VWA8: variants seen among roughly 807,000 people sequenced by gnomAD.
VWA8 encodes von Willebrand factor A domain containing 8.
In VWA8, 221 loss-of-function variants were observed where a neutral mutation model predicts 241.5. The ratio of observed to expected loss-of-function variants is 0.91; its 90% CI spans 0.82 to 1.02. The LOEUF (loss-of-function observed/expected upper bound fraction) is 1.02. Among genes scored for constraint, VWA8 ranks in the 50% least tolerant of loss-of-function variants. The pLI, the probability that VWA8 is intolerant of heterozygous loss-of-function variation, is 0.00. For missense variants in VWA8, 2,322 were observed against 2,328.7 expected, an observed-to-expected ratio of 1.00 and a Z score of 0.06; for synonymous variants, 852 against 827.1, an observed-to-expected ratio of 1.03 and a Z score of -0.52.
chr13:41,652,221 C>T (rs143105473), intron 37 of VWA8, among the ~76,000 whole-genome samples: 2 of 152,286 alleles, frequency 1.3e-5, no homozygotes, highest in Admixed American at 6.5e-5. Flanking sequence ...GCAGAGACAT[C>T]TGTTTTCTTC....
rs192105242 is a variant in VWA8 at position 41,570,576 on chromosome 13, A to C, written c.5501T>G (p.Leu1834Arg). ...AGCAGGATGTATTCCATATCGTGAC[A>C]GATTTGCATCACTCAAGACTATGAC... ...YFVIVLSDAN[L>R]SRYGIHPAKF... The change falls in exon 44 of 45, where the codon CTG becomes CGG. Residue 1834 changes from leucine (L) to arginine (R), a missense_variant. Transcript: ENST00000379310. 347 of 1,614,230 alleles carry C rather than the reference A, an allele frequency of 2.1e-4. 2 individuals are homozygous for C. The highest frequency in any genetic ancestry group is 3.4e-6 in the Non-Finnish European group (4 of 1,180,034).
chr13:41,582,609 GTCT>G (rs1230377742), intron 42 of VWA8, among the ~76,000 whole-genome samples: 1 of 152,144 alleles, frequency 6.6e-6, no homozygotes, highest in African/African-American at 2.4e-5. Context: ...TCCTCAAACT[GTCT>G]TCTGTTCATG....
At chr13:41,717,955 T>C (rs1004936220) in intron 26 of VWA8, among the ~76,000 whole-genome samples, 2 of 152,096 alleles carry the variant, frequency 1.3e-5, no homozygotes, top group Non-Finnish European at 2.9e-5. Context: ...AGAGTTAGAA[T>C]TAACTTGCCA....
chr13:41,751,138 TAA>T (rs72243014), intron 21 of VWA8, among the ~76,000 whole-genome samples: 1 of 147,556 alleles, frequency 6.8e-6, no homozygotes, highest in Non-Finnish European at 1.5e-5. Context: ...AAATGTTAAA[TAA>T]AAAAAAAATA....
intron 1 of VWA8, among the ~76,000 whole-genome samples, chr13:41,957,497 T>A (rs541849302): frequency 8.1e-4 from 124 of 152,260 alleles, no homozygotes; most frequent in African/African-American, 2.8e-3. Flanking sequence ...TCCCAGCTAC[T>A]TGGGAGGCTG....
chr13:41,646,624 T>C (rs1205178781), intron 37 of VWA8, among the ~76,000 whole-genome samples: 1 of 152,206 alleles, frequency 6.6e-6, no homozygotes, highest in African/African-American at 2.4e-5. Flanking sequence ...AAACAATGAA[T>C]GTATTCTTGA....
At chr13:41,782,204 A>G (rs1566454977) in intron 19 of VWA8, among the ~76,000 whole-genome samples, 1 of 152,228 alleles carries the variant, frequency 6.6e-6, no homozygotes, top group Non-Finnish European at 1.5e-5. Context: ...TGAGTCCTAA[A>G]TGTCCATGTC....
At chr13:41,922,271 AC>A (rs1202150389) in intron 2 of VWA8, among the ~76,000 whole-genome samples, 2 of 152,220 alleles carry the variant, frequency 1.3e-5, no homozygotes, top group Non-Finnish European at 2.9e-5. Context: ...TACACCCTAT[AC>A]AAAAATTAAT....
At chr13:41,900,300 T>A (rs1351770945) in intron 4 of VWA8, among the ~76,000 whole-genome samples, 4 of 152,230 alleles carry the variant, frequency 2.6e-5, no homozygotes, top group Admixed American at 6.5e-5. Context: ...TGTATTTTTT[T>A]AATGTGGAAT....
At chr13:41,628,764 C>T (rs1009786150) in intron 37 of VWA8, among the ~76,000 whole-genome samples, 3 of 152,102 alleles carry the variant, frequency 2.0e-5, no homozygotes, top group Non-Finnish European at 4.4e-5. Context: ...GACAACAGGC[C>T]GGGCACAGTG....
rs114601402 is a variant in VWA8, at chr13:41,655,121, C to T, written c.4611+15825G>A. Among the ~76,000 whole-genome samples, 796 of 148,854 alleles carry T rather than the reference C, an allele frequency of 5.3e-3. 5 individuals carry two copies. Among genetic ancestry groups the T allele is most frequent in the African/African-American group, 0.019 (756 of 40,292 alleles). ...TTTTTTTTTTTTTGAGACAGAGTCT[C>T]GCTCGTGGCCCAAGATGGAGTGCAG... On this transcript the variant is annotated intron_variant, in intron 37 of 44. Transcript: ENST00000379310.
At chr13:41,910,455 T>C (rs893151892) in intron 3 of VWA8, among the ~76,000 whole-genome samples, 1 of 151,848 alleles carries the variant, frequency 6.6e-6, no homozygotes, top group Admixed American at 6.6e-5. Flanking sequence ...TGTGGTGGCA[T>C]GCGTCAGTAG....
intron 38 of VWA8, among the ~76,000 whole-genome samples, chr13:41,613,240 A>G (rs2044600973): frequency 6.6e-6 from 1 of 152,194 alleles, no homozygotes; most frequent in Non-Finnish European, 1.5e-5. Context: ...GGGAAATACC[A>G]TGAGAACTGC....
At chr13:41,771,236 T>C (rs1210611704) in intron 20 of VWA8, among the ~76,000 whole-genome samples, 2 of 152,108 alleles carry the variant, frequency 1.3e-5, no homozygotes, top group African/African-American at 4.8e-5. Context: ...ATTCCTCCTG[T>C]CTCAGCTTCC....
chr13:41,631,366 G>A (rs1257699731), intron 37 of VWA8, among the ~76,000 whole-genome samples: 1 of 151,926 alleles, frequency 6.6e-6, no homozygotes, highest in Non-Finnish European at 1.5e-5. Context: ...TTAGCTCCGG[G>A]TTATTCTTAA....
chr13:41,807,483 TC>T (rs1358338013), intron 17 of VWA8, among the ~76,000 whole-genome samples: 1 of 152,166 alleles, frequency 6.6e-6, no homozygotes, highest in African/African-American at 2.4e-5. Flanking sequence ...ATTATAAAGA[TC>T]ATTCATCATG....
At chr13:41,803,971 A>T (rs1179132116) in intron 17 of VWA8, among the ~76,000 whole-genome samples, 1 of 152,234 alleles carries the variant, frequency 6.6e-6, no homozygotes, top group Admixed American at 6.5e-5. Flanking sequence ...AAGACAGGCT[A>T]TTTGAAAACA....
chr13:41,935,619 T>C (rs562976516), intron 2 of VWA8, among the ~76,000 whole-genome samples: 2 of 152,074 alleles, frequency 1.3e-5, no homozygotes, highest in African/African-American at 2.4e-5. Context: ...GAAAAATATA[T>C]AAATGGTCTT....
intron 24 of VWA8, among the ~76,000 whole-genome samples, chr13:41,726,068 G>A (rs777514931): frequency 1.3e-5 from 2 of 151,862 alleles, no homozygotes; most frequent in African/African-American, 2.4e-5. Context: ...ACATATGAAC[G>A]GGTAAACTAC....
Sources: allele counts gnomAD v4.1 joint callset (sites outside exome capture counted in the v4.1 genomes callset), GRCh38; gene constraint gnomAD v4.1.1; transcripts MANE v1.5; gene names NCBI Gene and HGNC (gene_info 2026-07-23, HGNC 2026-07-21).